FHIT: variants seen among roughly 807,000 people sequenced by gnomAD.
FHIT encodes the protein bis(5'-adenosyl)-triphosphatase.
In FHIT, 19 loss-of-function variants were observed where a neutral mutation model predicts 17.9. The ratio of observed to expected loss-of-function variants is 1.06; its 90% CI spans 0.74 to 1.56. The LOEUF is 1.56. Among genes scored for constraint, FHIT ranks in the 40% most tolerant of loss-of-function variants. The pLI is 0.00. For synonymous variants in FHIT, 81 were observed against 69.7 expected, an observed-to-expected ratio of 1.16 and a Z score of -0.81; for missense variants, 248 against 189.2, an observed-to-expected ratio of 1.31 and a Z score of -1.82.
At chr3:60,735,943 C>A (rs1427077062) in intron 4 of FHIT, among the ~76,000 whole-genome samples, 1 of 152,210 alleles carries the variant, frequency 6.6e-6, no homozygotes, top group East Asian at 1.9e-4. Flanking sequence ...CCTAATAAAT[C>A]TTGTTTCCTC....
intron 3 of FHIT, among the ~76,000 whole-genome samples, chr3:61,039,598 C>G (rs1343985530): frequency 6.6e-6 from 1 of 152,086 alleles, no homozygotes; most frequent in Non-Finnish European, 1.5e-5. Context: ...CAAACTAACA[C>G]AAGAACAGAA....
chr3:60,346,297 T>C (rs528253532), intron 5 of FHIT, among the ~76,000 whole-genome samples: 1 of 152,314 alleles, frequency 6.6e-6, no homozygotes, highest in East Asian at 1.9e-4. Context: ...AATAACAACA[T>C]GGTAAGGATA....
chr3:61,134,237 T>A (rs2036849552), intron 2 of FHIT, among the ~76,000 whole-genome samples: 1 of 152,066 alleles, frequency 6.6e-6, no homozygotes, highest in Non-Finnish European at 1.5e-5. Flanking sequence ...TGGTGGGCAC[T>A]GGGATTCAGG....
At position 60,215,131 on chromosome 3, in the gene FHIT, C is replaced by T. The variant is rs189979909; in HGVS notation, c.104-200979G>A. On this transcript the variant is annotated intron_variant, in intron 5 of 9. Coordinates refer to ENST00000492590, the MANE Select transcript of FHIT (RefSeq NM_002012.4). ...AAGCTTCAGCGACACTCAGTTTACC[C>T]GTGTAACAAGCCTGGATGCACACCC... 2.2e-4 allele frequency among the ~76,000 whole-genome samples: 34 copies of T among 151,856 alleles called. 1 individual carries two copies. Among genetic ancestry groups the T allele is most frequent in the Admixed American group, 1.1e-3 (16 of 15,220 alleles).
At chr3:60,827,799 T>C (rs1702182124) in intron 3 of FHIT, among the ~76,000 whole-genome samples, 1 of 152,226 alleles carries the variant, frequency 6.6e-6, no homozygotes. Flanking sequence ...AAGAATCATA[T>C]GGCCTCTGCT....
chr3:60,588,542 T>A (rs1429101497), intron 4 of FHIT, among the ~76,000 whole-genome samples: 1 of 152,002 alleles, frequency 6.6e-6, no homozygotes, highest in Non-Finnish European at 1.5e-5. Context: ...CATTAGAATC[T>A]TCTCAGGCTG....
intron 5 of FHIT, among the ~76,000 whole-genome samples, chr3:60,336,498 C>CTTATAAAT (rs1276151692): frequency 1.3e-4 from 20 of 152,248 alleles, no homozygotes; most frequent in African/African-American, 4.8e-4. Flanking sequence ...TTAAAGTTCC[C>CTTATAAAT]TTATAAATTT....
chr3:61,241,729 CACTT>C (rs1426842245), intron 1 of FHIT, among the ~76,000 whole-genome samples: 2 of 152,146 alleles, frequency 1.3e-5, no homozygotes, highest in East Asian at 3.8e-4. Context: ...CACTAATAAA[CACTT>C]AAAAAGACTC....
At chr3:61,104,800 T>C (rs1595602) in intron 2 of FHIT, among the ~76,000 whole-genome samples, 1 of 151,996 alleles carries the variant, frequency 6.6e-6, no homozygotes, top group African/African-American at 2.4e-5. Flanking sequence ...TCTGACTGTC[T>C]TGTTTCAGAA....
chr3:60,280,274 C>G (rs1707369231), intron 5 of FHIT, among the ~76,000 whole-genome samples: 1 of 152,084 alleles, frequency 6.6e-6, no homozygotes, highest in Non-Finnish European at 1.5e-5. Flanking sequence ...TGACATCATA[C>G]TCAATGGAGA....
chr3:60,446,891 A>AATAATG (rs2107352706), intron 5 of FHIT, among the ~76,000 whole-genome samples: 1 of 144,204 alleles, frequency 6.9e-6, no homozygotes, highest in South Asian at 2.2e-4. Flanking sequence ...TAATAATAAT[A>AATAATG]ATAATAATAA....
At chr3:60,938,843 T>C (rs370216272) in intron 3 of FHIT, among the ~76,000 whole-genome samples, 55 of 151,444 alleles carry the variant, frequency 3.6e-4, no homozygotes, top group East Asian at 3.5e-3. Flanking sequence ...TTGAGAAACA[T>C]AATTTGAATG....
chr3:60,007,787 G>A (rs1057333903), intron 7 of FHIT, among the ~76,000 whole-genome samples: 1 of 152,190 alleles, frequency 6.6e-6, no homozygotes, highest in Non-Finnish European at 1.5e-5. Flanking sequence ...AGCAAGGCCT[G>A]TGTGTTCAGA....
chr3:60,439,227 C>A (rs2030570151), intron 5 of FHIT, among the ~76,000 whole-genome samples: 1 of 152,082 alleles, frequency 6.6e-6, no homozygotes, highest in African/African-American at 2.4e-5. Flanking sequence ...AGACTCCAAC[C>A]AGTCAATTCA....
intron 3 of FHIT, among the ~76,000 whole-genome samples, chr3:60,829,253 A>G (rs1702233421): frequency 1.3e-5 from 2 of 152,166 alleles, no homozygotes; most frequent in Non-Finnish European, 2.9e-5. Context: ...ACCAAAGTCA[A>G]TATTTACTTT....
chr3:61,187,920 A>C (rs1271888045), intron 2 of FHIT, among the ~76,000 whole-genome samples: 1 of 152,238 alleles, frequency 6.6e-6, no homozygotes, highest in Non-Finnish European at 1.5e-5. Context: ...TCTCTGGGAC[A>C]CATTCAAAGC....
At chr3:60,737,614 T>A (rs1482805641) in intron 4 of FHIT, among the ~76,000 whole-genome samples, 1 of 152,324 alleles carries the variant, frequency 6.6e-6, no homozygotes, top group South Asian at 2.1e-4. Flanking sequence ...GATGATAACA[T>A]TGTATTTCAG....
intron 5 of FHIT, among the ~76,000 whole-genome samples, chr3:60,339,553 A>G (rs1710412797): frequency 6.6e-6 from 1 of 152,194 alleles, no homozygotes; most frequent in African/African-American, 2.4e-5. Flanking sequence ...CGAGCCGATC[A>G]GTTTACCCAA....
chr3:60,459,120 A>C lies in FHIT; in HGVS notation c.103+77740T>G, dbSNP rs551201949. Among the ~76,000 whole-genome samples, 8 of 152,198 alleles carry C rather than the reference A, an allele frequency of 5.3e-5. No homozygotes were observed. The East Asian group carries it at 1.5e-3, about 29-fold the overall frequency. ...GGTGGAAAGAAAAGCATTTTTTATA[A>C]TGTGTTTAGATGTCATACTCAATTC... On this transcript the variant is annotated intron_variant, in intron 5 of 9. Coordinates refer to ENST00000492590, the MANE Select transcript of FHIT (RefSeq NM_002012.4).
Sources: allele counts gnomAD v4.1 joint callset (sites outside exome capture counted in the v4.1 genomes callset), GRCh38; gene constraint gnomAD v4.1.1; transcripts MANE v1.5; gene names NCBI Gene and HGNC (gene_info 2026-07-23, HGNC 2026-07-21).